Variants in KDM6B observed in about 807,000 individuals in gnomAD.
The protein encoded by KDM6B is lysine demethylase 6B, also known as lysine-specific demethylase 6B.
In KDM6B, 22 loss-of-function variants were observed where a neutral mutation model predicts 150.4. The ratio of observed to expected loss-of-function variants is 0.15; its 90% confidence interval spans 0.10 to 0.21. The LOEUF is 0.21. Ranked by LOEUF, KDM6B falls within the 10% of genes least tolerant of loss-of-function variation. The pLI is 1.00. For missense variants in KDM6B, 1,984 were observed against 2,234.3 expected, an observed-to-expected ratio of 0.89 and a Z score of 2.26; for synonymous variants, 1,148 against 921.1, an observed-to-expected ratio of 1.25 and a Z score of -4.46.
rs1597857431 is a variant in KDM6B at position 7,852,045 on chromosome 17, C to G, written c.4260C>G (p.Thr1420=). ...WFAVHEHYWE[T]ISAFCDRHGV... Reference sequence around the variant, plus strand: ...CGGTGCACGAGCACTACTGGGAGACCATCAGCGCTTTCTGTGATCGGTGCG... The same window carrying G: ...CGGTGCACGAGCACTACTGGGAGACGATCAGCGCTTTCTGTGATCGGTGCG... The change falls in exon 19 of 24, where the codon ACC becomes ACG. Residue 1420 remains threonine, a synonymous_variant. Transcript: ENST00000448097. 1.1e-5 allele frequency: 18 copies of G among 1,614,078 alleles called. 1 individual carries two copies. In the East Asian group the frequency reaches 3.6e-4, roughly 32 times the overall value.
chr17:7,850,966 C>T (rs1307751455), intron 14 of KDM6B, 55 bp from the exon 15 acceptor site: 4 of 1,483,066 alleles, frequency 2.7e-6, no homozygotes, highest in Non-Finnish European at 1.8e-6. Context: ...CGATTGGGTC[C>T]TCGGTCCCTA....
chr17:7,846,960 C>G lies in KDM6B; in HGVS notation c.853C>G (p.Leu285Val). ...AACCAAGCCAGGGCTGTGGAGTACC[C>G]TGCATGGAGATGCCTGGGGCCCAGA... ...QLTKPGLWST[L>V]HGDAWGPERK... Residue 285 changes from leucine to valine, a missense_variant, in exon 10 of 24, where the codon CTG becomes GTG. Leu to Val is a conservative substitution (Grantham distance 32). Around this residue, in one of 13 missense-constraint regions of KDM6B, gnomAD observed 1,379 missense variants for 1,275.6 expected, o/e 1.08. Coordinates refer to ENST00000448097, the MANE Select transcript of KDM6B (RefSeq NM_001348716.2). 2 of 1,587,026 alleles carry G rather than the reference C, an allele frequency of 1.3e-6. No homozygotes were observed. Among genetic ancestry groups the G allele is most frequent in the Middle Eastern group, 1.7e-4 (1 of 5,932 alleles).
intron 1 of KDM6B, among the ~76,000 whole-genome samples, chr17:7,835,679 G>C (rs2078320873): frequency 6.6e-6 from 1 of 152,154 alleles, no homozygotes; most frequent in African/African-American, 2.4e-5. Context: ...GAGGGGAGGG[G>C]CAGCGGCGGA....
intron 1 of KDM6B, among the ~76,000 whole-genome samples, chr17:7,835,527 T>A (rs1384618048): frequency 6.6e-6 from 1 of 151,930 alleles, no homozygotes; most frequent in Non-Finnish European, 1.5e-5. Context: ...TTGCTTGTCC[T>A]GTTGCCAGAG....
chr17:7,851,280 G>C (rs1386552667), intron 15 of KDM6B, 50 bp from the exon 16 acceptor site: 18 of 1,613,452 alleles, frequency 1.1e-5, no homozygotes, highest in Non-Finnish European at 1.5e-5. Context: ...GCGGTGGGAG[G>C]GCTCTCGAAA....
At position 7,849,550 on chromosome 17, in the gene KDM6B, G is replaced by A. The variant is rs370020172; in HGVS notation, c.3262G>A (p.Asp1088Asn). ...APGPPGVSRA[D>N]MLKLRSLSEG... Reference sequence around the variant, plus strand: ...AGGGCCACCGGGTGTCAGCCGGGCCGACATGCTGAAGCTGCGCTCACTTAG... The same window carrying A: ...AGGGCCACCGGGTGTCAGCCGGGCCAACATGCTGAAGCTGCGCTCACTTAG... The change falls in exon 12 of 24, where the codon GAC (aspartate) becomes AAC (asparagine). Residue 1088 changes from aspartate (D) to asparagine (N), a missense_variant. Around this residue, in one of 13 missense-constraint regions of KDM6B, gnomAD observed 1,379 missense variants for 1,275.6 expected, o/e 1.08. Transcript: ENST00000448097. 3 of 1,612,688 alleles carry A rather than the reference G, an allele frequency of 1.9e-6. No individual in the cohort carries two copies. The highest frequency in any genetic ancestry group is 1.7e-5 in the Admixed American group (1 of 59,996).
rs543986109 is a variant in KDM6B, at chr17:7,846,551, A to G, written c.550-28A>G. The stretch of plus-strand genomic sequence containing the variant: ...GCCAGGCTGTGCCTGCACCCGTGCC[A>G]TTTTCTCTTCTCTCTTTTTGTTCTC... On this transcript the variant is annotated intron_variant, in intron 8 of 23. Coordinates refer to ENST00000448097, the MANE Select transcript of KDM6B (RefSeq NM_001348716.2). 6.8e-6 allele frequency: 11 copies of G among 1,613,880 alleles called. No individual in the cohort carries two copies. In the South Asian group the frequency reaches 9.9e-5, roughly 14 times the overall value.
chr17:7,836,270 C>T (rs1362565940), intron 1 of KDM6B, among the ~76,000 whole-genome samples: 1 of 152,242 alleles, frequency 6.6e-6, no homozygotes, highest in Non-Finnish European at 1.5e-5. Flanking sequence ...ACGTTTCCTC[C>T]TCGTTCGCCC....
Position 7,853,526 on chromosome 17 carries a change from G to A in KDM6B, c.*5G>A, listed in dbSNP as rs1296947477. The stretch of plus-strand genomic sequence containing the variant: ...CCAGCCAGCACGTCGCGATGAGGCC[G>A]GACGCCCCGCCCGCCTGCCTGCCCG... On this transcript the variant is annotated 3_prime_UTR_variant, in exon 24 of 24. Coordinates refer to ENST00000448097, the MANE Select transcript of KDM6B (RefSeq NM_001348716.2). 2.7e-6 allele frequency: 4 copies of A among 1,457,496 alleles called. No individual in the cohort carries two copies. Among genetic ancestry groups the A allele is most frequent in the Non-Finnish European group, 3.6e-6 (4 of 1,111,840 alleles). 90.3% of individuals were successfully genotyped at this position (1,457,496 alleles called of 1,614,324 possible).
chr17:7,835,751 C>G (rs888897351), intron 1 of KDM6B, among the ~76,000 whole-genome samples: 1 of 151,888 alleles, frequency 6.6e-6, no homozygotes, highest in East Asian at 1.9e-4. Context: ...GCGCCCACCC[C>G]CCGCCCTGCG....
chr17:7,848,984 C>A lies in KDM6B; in HGVS notation c.2696C>A (p.Pro899His). Residue 899 changes from proline (P) to histidine (H), a missense_variant, in exon 12 of 24, where the codon CCC (proline) becomes CAC (histidine). Around this residue, in one of 13 missense-constraint regions of KDM6B, gnomAD observed 1,379 missense variants for 1,275.6 expected, o/e 1.08. Transcript: ENST00000448097. ...GGCCCCATGACCCCCACCCAACCGC[C>A]CCCACCCCTATCTCTGCCCCCTGCT... The part of the protein sequence containing the change: ...VPGPMTPTQP[P>H]PPLSLPPARS... 6.3e-7 allele frequency: 1 copy of A among 1,579,008 alleles called. No individual in the cohort carries two copies. The highest frequency in any genetic ancestry group is 1.3e-5 in the African/African-American group (1 of 74,416).
At position 7,849,001 on chromosome 17, in the gene KDM6B, C is replaced by T; in HGVS notation, c.2713C>T (p.Pro905Ser). ...PTQPPPPLSL[P>S]PARSESEVLE... ...CCAACCGCCCCCACCCCTATCTCTG[C>T]CCCCTGCTCGCTCTGAGTCTGAGGT... Residue 905 changes from proline to serine, a missense_variant, in exon 12 of 24, where the codon CCC (proline) becomes TCC (serine). Physicochemically the swap from Pro to Ser is moderately conservative, Grantham distance 74 (BLOSUM62 -1). Around this residue, in one of 13 missense-constraint regions of KDM6B, gnomAD observed 1,379 missense variants for 1,275.6 expected, o/e 1.08. Coordinates refer to ENST00000448097, the MANE Select transcript of KDM6B (RefSeq NM_001348716.2). 1 of 1,538,100 alleles carries T rather than the reference C, an allele frequency of 6.5e-7. No homozygotes were observed. The highest frequency in any genetic ancestry group is 1.1e-5 in the South Asian group (1 of 88,620).
Position 7,853,543 on chromosome 17 carries a change from G to C in KDM6B, c.*22G>C. On this transcript the variant is annotated 3_prime_UTR_variant, in exon 24 of 24. Coordinates refer to ENST00000448097, the MANE Select transcript of KDM6B (RefSeq NM_001348716.2). ...ATGAGGCCGGACGCCCCGCCCGCCT[G>C]CCTGCCCGCGCAAGGCGCCGCGGGG... The C allele has an allele frequency of 7.0e-7, 1 of 1,429,326 alleles. No homozygotes were observed. Among genetic ancestry groups the C allele is most frequent in the Non-Finnish European group, 9.1e-7 (1 of 1,095,440 alleles). 88.5% of individuals were successfully genotyped at this position (1,429,326 alleles called of 1,614,324 possible).
At chr17:7,836,539 G>T (rs1011244255) in intron 1 of KDM6B, among the ~76,000 whole-genome samples, 3 of 124,226 alleles carry the variant, frequency 2.4e-5, no homozygotes, top group Non-Finnish European at 5.4e-5. Flanking sequence ...CCCCGTCCCC[G>T]CCTGCCGGCC....
Position 7,845,628 on chromosome 17 carries a change from C to G in KDM6B, c.74C>G (p.Ala25Gly). ...TTTGCCCTTGGGGGCCTGAGCTGTG[C>G]TGGGGCCTGGAGCTCCTGCCCGCCT... ...EAFALGGLSC[A>G]GAWSSCPPHP... is the part of the protein sequence containing the mutation. Residue 25 changes from alanine (A) to glycine (G), a missense_variant, in exon 5 of 24, where the codon GCT (alanine) becomes GGT (glycine). Ala to Gly is a moderately conservative substitution (Grantham distance 60). This residue lies in a region of KDM6B where 337 missense variants were observed against 323.9 expected (regional missense o/e 1.04). Coordinates refer to ENST00000448097, the MANE Select transcript of KDM6B (RefSeq NM_001348716.2). 1.9e-6 allele frequency: 3 copies of G among 1,614,180 alleles called. No homozygotes were observed. Among genetic ancestry groups the G allele is most frequent in the Non-Finnish European group, 2.5e-6 (3 of 1,180,032 alleles).
At chr17:7,836,950 C>G (rs1369644186) in intron 1 of KDM6B, among the ~76,000 whole-genome samples, 3 of 152,142 alleles carry the variant, frequency 2.0e-5, no homozygotes, top group Admixed American at 6.5e-5. Flanking sequence ...GCCCCGAGTC[C>G]AGTTCCAGTC....
intron 1 of KDM6B, among the ~76,000 whole-genome samples, chr17:7,837,420 G>C (rs1234163915): frequency 2.0e-5 from 3 of 152,216 alleles, no homozygotes; most frequent in Admixed American, 2.0e-4. Flanking sequence ...TTGTGTGTAT[G>C]CGGGTGAATC....
chr17:7,836,760 C>T (rs1054844424), intron 1 of KDM6B, among the ~76,000 whole-genome samples: 1 of 152,138 alleles, frequency 6.6e-6, no homozygotes, highest in African/African-American at 2.4e-5. Flanking sequence ...TTTTTGGGTT[C>T]CCAGAATTCC....
rs375794803 is a variant in KDM6B, at chr17:7,846,824, C to A, written c.717C>A (p.Gly239=). Residue 239 remains glycine (G), a synonymous_variant, in exon 10 of 24, where the codon GGC becomes GGA. Coordinates refer to ENST00000448097, the MANE Select transcript of KDM6B (RefSeq NM_001348716.2). Reference sequence around the variant, plus strand: ...CACACTCTCTTCTCTCCTAGACTGGCCTTCCCCCAGGGCTGCCACTGCCTC... The same window carrying A: ...CACACTCTCTTCTCTCCTAGACTGGACTTCCCCCAGGGCTGCCACTGCCTC... ...RRRGCNSEQT[G]LPPGLPLPPP... 1.9e-6 allele frequency: 3 copies of A among 1,612,774 alleles called. No homozygotes were observed. The highest frequency in any genetic ancestry group is 2.5e-6 in the Non-Finnish European group (3 of 1,179,830).
Sources: allele counts gnomAD v4.1 joint callset (sites outside exome capture counted in the v4.1 genomes callset), GRCh38; gene constraint gnomAD v4.1.1; regional missense constraint gnomAD v4.1.1; transcripts MANE v1.5; gene names NCBI Gene and HGNC (gene_info 2026-07-23, HGNC 2026-07-21).